VSTM4: variants seen among roughly 807,000 people sequenced by gnomAD.
VSTM4 encodes the protein V-set and transmembrane domain-containing protein 4.
VSTM4 carries 20 observed loss-of-function variants against 36.4 expected under a neutral mutation model. The observed-to-expected ratio is 0.55, with a 90% CI of 0.39 to 0.80. The LOEUF (loss-of-function observed/expected upper bound fraction) is 0.80. VSTM4 is among the 30% of genes least tolerant of loss of function. The pLI, the probability that VSTM4 is intolerant of heterozygous loss-of-function variation, is 0.00. For missense variants in VSTM4, 392 were observed against 404.5 expected (o/e 0.97, Z 0.26); for synonymous variants, 182 against 173.9 (o/e 1.05, Z -0.37).
At chr10:49,065,974 A>G (rs1843966423) in intron 4 of VSTM4, among the ~76,000 whole-genome samples, 1 of 151,902 alleles carries the variant, frequency 6.6e-6, no homozygotes, top group Admixed American at 6.6e-5. Flanking sequence ...AATAACAACC[A>G]TAGTTAGTAT....
intron 2 of VSTM4, among the ~76,000 whole-genome samples, chr10:49,093,124 C>T (rs941727488): frequency 2.0e-5 from 3 of 152,154 alleles, no homozygotes; most frequent in Non-Finnish European, 4.4e-5. Context: ...TACAGAAAGC[C>T]CTCTGTCCTT....
chr10:49,089,321 G>A (rs1035366949), intron 2 of VSTM4, among the ~76,000 whole-genome samples: 1 of 152,084 alleles, frequency 6.6e-6, no homozygotes, highest in Non-Finnish European at 1.5e-5. Flanking sequence ...CTCCACCCCC[G>A]CCAACCTCAG....
At chr10:49,103,981 C>T (rs1431979667) in intron 2 of VSTM4, 14 of 754,454 alleles carry the variant, frequency 1.9e-5, no homozygotes, top group Non-Finnish European at 2.8e-5. Context: ...GTACGGACCA[C>T]AGAACTTCTC....
At chr10:49,093,176 T>C (rs1399506282) in intron 2 of VSTM4, among the ~76,000 whole-genome samples, 3 of 152,188 alleles carry the variant, frequency 2.0e-5, no homozygotes, top group Non-Finnish European at 4.4e-5. Context: ...AGGCAGCCTA[T>C]AGTCGGCAAA....
At chr10:49,083,678 A>G (rs1844320446) in intron 3 of VSTM4, among the ~76,000 whole-genome samples, 1 of 152,230 alleles carries the variant, frequency 6.6e-6, no homozygotes, top group Non-Finnish European at 1.5e-5. Flanking sequence ...TTAGGTCGGG[A>G]GTAACCCTGA....
intron 5 of VSTM4, among the ~76,000 whole-genome samples, chr10:49,062,965 T>C (rs117004271): frequency 0.013 from 2,036 of 152,270 alleles, 21 homozygotes; most frequent in Middle Eastern, 0.027. Context: ...TTTTTCTTTA[T>C]TGGCTGAGAT....
chr10:49,031,524 G>A (rs1185266234), intron 7 of VSTM4, among the ~76,000 whole-genome samples: 1 of 152,218 alleles, frequency 6.6e-6, no homozygotes, highest in Non-Finnish European at 1.5e-5. Context: ...ATATTTACAG[G>A]TAGAAAGAAG....
At chr10:49,034,963 A>G (rs554961255) in intron 7 of VSTM4, among the ~76,000 whole-genome samples, 5 of 152,354 alleles carry the variant, frequency 3.3e-5, no homozygotes, top group Admixed American at 2.6e-4. Flanking sequence ...CAATGATCTC[A>G]GAAATGAAGT....
At chr10:49,031,906 C>T (rs1345748108) in intron 7 of VSTM4, among the ~76,000 whole-genome samples, 1 of 152,114 alleles carries the variant, frequency 6.6e-6, no homozygotes, top group African/African-American at 2.4e-5. Context: ...ACTGTTCATT[C>T]AGGGTCTACT....
intron 7 of VSTM4, among the ~76,000 whole-genome samples, chr10:49,020,303 C>A (rs545010004): frequency 6.6e-6 from 1 of 152,238 alleles, no homozygotes; most frequent in East Asian, 1.9e-4. Context: ...TGGGAGAAAA[C>A]CATGGCCTGA....
intron 7 of VSTM4, among the ~76,000 whole-genome samples, chr10:49,041,723 A>T (rs1843524225): frequency 6.6e-6 from 1 of 152,198 alleles, no homozygotes; most frequent in Admixed American, 6.5e-5. Context: ...TTTCCTGAAG[A>T]CTGATGACAT....
chr10:49,099,024 C>T lies in VSTM4; in HGVS notation c.457+8570G>A, dbSNP rs577122219. 1.8e-4 allele frequency among the ~76,000 whole-genome samples: 28 copies of T among 152,324 alleles called. No homozygotes were observed. The East Asian group carries it at 1.9e-3, about 10-fold the overall frequency. ...ATAGAATGGATCCTGTCTCTGAAGGCGGTTGCTCATTTCCTCATCACATTT... is the reference window on the plus strand; with the variant it reads ...ATAGAATGGATCCTGTCTCTGAAGGTGGTTGCTCATTTCCTCATCACATTT... On this transcript the variant is annotated intron_variant, in intron 2 of 7. Transcript: ENST00000332853.
At chr10:49,056,352 G>C (rs1045725763) in intron 5 of VSTM4, among the ~76,000 whole-genome samples, 16 of 152,254 alleles carry the variant, frequency 1.1e-4, no homozygotes, top group African/African-American at 3.4e-4. Context: ...GCTCCACAGG[G>C]TCGCAGGCTT....
chr10:49,103,973 A>G, intron 2 of VSTM4: 1 of 839,308 alleles, frequency 1.2e-6, no homozygotes, highest in Non-Finnish European at 1.9e-6. Context: ...ACCCAAAGGT[A>G]CGGACCACAG....
chr10:49,097,746 G>A (rs1844598000), intron 2 of VSTM4, among the ~76,000 whole-genome samples: 1 of 152,168 alleles, frequency 6.6e-6, no homozygotes, highest in South Asian at 2.1e-4. Flanking sequence ...TCACTTACAT[G>A]AGACATTTTG....
rs149051227 is a variant in VSTM4 at position 49,109,533 on chromosome 10, G to A, written c.56-1538C>T. ...CTCATCTCTCAGAAGACAAGCACTAGCCCACAGGATATTCAAGGGTAATTC... is the reference window on the plus strand; with the variant it reads ...CTCATCTCTCAGAAGACAAGCACTAACCCACAGGATATTCAAGGGTAATTC... On this transcript the variant is annotated intron_variant, in intron 1 of 7. Transcript: ENST00000332853. Among the ~76,000 whole-genome samples the A allele has an allele frequency of 5.8e-3, 884 of 152,254 alleles. 6 individuals are homozygous for A. The highest frequency in any genetic ancestry group is 0.011 in the South Asian group (52 of 4,816).
At chr10:49,027,902 T>C (rs1229494495) in intron 7 of VSTM4, among the ~76,000 whole-genome samples, 1 of 152,208 alleles carries the variant, frequency 6.6e-6, no homozygotes. Context: ...CGTTCAAATA[T>C]AGGTTTTTGT....
intron 2 of VSTM4, among the ~76,000 whole-genome samples, chr10:49,098,769 T>A (rs1191214419): frequency 6.6e-6 from 1 of 152,158 alleles, no homozygotes; most frequent in African/African-American, 2.4e-5. Flanking sequence ...GTGCATCCTG[T>A]CCCCTGCACT....
intron 7 of VSTM4, among the ~76,000 whole-genome samples, chr10:49,021,711 G>A (rs1449785965): frequency 1.3e-5 from 2 of 151,876 alleles, no homozygotes; most frequent in Non-Finnish European, 2.9e-5. Flanking sequence ...AAAAAAGGTT[G>A]ACAAAACATA....
Sources: allele counts gnomAD v4.1 joint callset (sites outside exome capture counted in the v4.1 genomes callset), GRCh38; gene constraint gnomAD v4.1.1; transcripts MANE v1.5; gene names NCBI Gene and HGNC (gene_info 2026-07-23, HGNC 2026-07-21).